The following KDM7A variants were observed in gnomAD, a reference collection of about 807,000 sequenced individuals.
KDM7A encodes lysine demethylase 7A, also known as lysine-specific demethylase 7A.
KDM7A carries 28 observed loss-of-function variants against 114.8 expected under a neutral mutation model. The observed-to-expected ratio is 0.24, with a 90% CI of 0.18 to 0.33. KDM7A has a LOEUF of 0.33. Among genes scored for constraint, KDM7A ranks in the 10% least tolerant of loss-of-function variants. The probability of loss-of-function intolerance (pLI) is 1.00; values close to 1 mark genes in which losing one functional copy is unlikely to be tolerated. For synonymous variants in KDM7A, 423 were observed against 397.8 expected (o/e 1.06, Z -0.75); for missense variants, 942 against 1,142.5 (o/e 0.82, Z 2.53).
chr7:140,124,320 T>C (rs1323462984), intron 7 of KDM7A, among the ~76,000 whole-genome samples: 2 of 152,136 alleles, frequency 1.3e-5, no homozygotes, highest in African/African-American at 4.8e-5. Context: ...TGCCCAACTT[T>C]ATTAATCTAC....
intron 1 of KDM7A, among the ~76,000 whole-genome samples, chr7:140,166,684 C>T (rs575625347): frequency 6.6e-6 from 1 of 152,192 alleles, no homozygotes; most frequent in African/African-American, 2.4e-5. Context: ...TAGTATCTTC[C>T]TTAATGAGGA....
At chr7:140,124,359 A>C (rs1818664474) in intron 7 of KDM7A, among the ~76,000 whole-genome samples, 1 of 152,230 alleles carries the variant, frequency 6.6e-6, no homozygotes, top group Admixed American at 6.5e-5. Flanking sequence ...ACACTTTAAA[A>C]GGGTGAATAT....
chr7:140,106,815 A>C (rs1452047294), intron 11 of KDM7A, among the ~76,000 whole-genome samples: 1 of 152,138 alleles, frequency 6.6e-6, no homozygotes, highest in African/African-American at 2.4e-5. Flanking sequence ...ACTTGGTGCA[A>C]GCTGAGTTCA....
intron 2 of KDM7A, among the ~76,000 whole-genome samples, chr7:140,137,418 T>C (rs1818889453): frequency 6.6e-6 from 1 of 152,240 alleles, no homozygotes; most frequent in South Asian, 2.1e-4. Flanking sequence ...AATTATTTCA[T>C]TTTGGGACTG....
chr7:140,095,402 A>G (rs1331336230), intron 17 of KDM7A, among the ~76,000 whole-genome samples: 2 of 152,204 alleles, frequency 1.3e-5, no homozygotes, highest in Admixed American at 6.5e-5. Flanking sequence ...TATCCTCTCC[A>G]AACTTCAATT....
chr7:140,134,933 C>A (rs1818842809), intron 2 of KDM7A, among the ~76,000 whole-genome samples: 1 of 151,350 alleles, frequency 6.6e-6, no homozygotes, highest in Admixed American at 6.6e-5. Flanking sequence ...CAATAATTAA[C>A]AGAGGTGGAA....
At chr7:140,117,665 TAA>T (rs1213220020) in intron 9 of KDM7A, among the ~76,000 whole-genome samples, 1 of 152,218 alleles carries the variant, frequency 6.6e-6, no homozygotes, top group African/African-American at 2.4e-5. Context: ...TATAAGTATA[TAA>T]GTGTTCCTGT....
intron 1 of KDM7A, among the ~76,000 whole-genome samples, chr7:140,163,712 A>G (rs1794544572): frequency 6.6e-6 from 1 of 152,136 alleles, no homozygotes; most frequent in Non-Finnish European, 1.5e-5. Context: ...TCAATATTAC[A>G]TATTAAATTA....
intron 12 of KDM7A, 68 bp downstream of exon 12, chr7:140,101,883 T>A (rs1299049750): frequency 4.9e-6 from 5 of 1,012,028 alleles, no homozygotes; most frequent in Non-Finnish European, 6.2e-6. Flanking sequence ...ACTATTCTCT[T>A]ATTATCCCTA....
chr7:140,091,165 C>T lies in KDM7A; in HGVS notation c.2755G>A (p.Ala919Thr), dbSNP rs1458980046. Residue 919 changes from alanine (A) to threonine (T), a missense_variant, in exon 20 of 20, where the codon GCA becomes ACA. Around this residue, in one of 4 missense-constraint regions of KDM7A, gnomAD observed 512 missense variants for 576.6 expected, o/e 0.89. Coordinates refer to ENST00000397560, the MANE Select transcript of KDM7A (RefSeq NM_030647.2). ...TKGKRPKKGM[A>T]TAKQRLGKIL... ...TTCCCAAGACGTTGTTTGGCTGTTGCCATTCCTTTTTTTGGACGTTTACCT... is the reference window on the plus strand; with the variant it reads ...TTCCCAAGACGTTGTTTGGCTGTTGTCATTCCTTTTTTTGGACGTTTACCT... 11 of 1,613,750 alleles carry T rather than the reference C, an allele frequency of 6.8e-6. No individual in the cohort carries two copies. In the African/African-American group the frequency reaches 9.3e-5, roughly 14 times the overall value.
At chr7:140,102,198 C>T (rs753390406) in intron 11 of KDM7A, 38 bp from the exon 12 acceptor site, 3 of 1,370,088 alleles carry the variant, frequency 2.2e-6, no homozygotes, top group Non-Finnish European at 2.1e-6. Flanking sequence ...TATAAGAAGG[C>T]TGTTACACAC....
intron 1 of KDM7A, among the ~76,000 whole-genome samples, chr7:140,174,497 G>T (rs1456596419): frequency 6.6e-6 from 1 of 152,054 alleles, no homozygotes; most frequent in African/African-American, 2.4e-5. Flanking sequence ...CAAATACCTG[G>T]GGCTTTTCAT....
chr7:140,113,008 C>CCT, intron 10 of KDM7A, among the ~76,000 whole-genome samples: 1 of 152,228 alleles, frequency 6.6e-6, no homozygotes, highest in South Asian at 2.1e-4. Flanking sequence ...CTTTGCAGTC[C>CCT]CAGAGATCTA....
chr7:140,124,609 T>C lies in KDM7A; in HGVS notation c.1051+12A>G, dbSNP rs779736128. The C allele has an allele frequency of 2.5e-6, 4 of 1,601,068 alleles. No individual in the cohort carries two copies. The South Asian group carries it at 3.4e-5, about 14-fold the overall frequency. On this transcript the variant is annotated intron_variant, in intron 7 of 19. Transcript: ENST00000397560. ...CAATCATGTTGAGTAGGGGATGGGA[T>C]GAAAACCTTACCTGTAGGAACAAAT...
intron 1 of KDM7A, among the ~76,000 whole-genome samples, chr7:140,175,441 T>C (rs948481305): frequency 1.3e-5 from 2 of 152,296 alleles, no homozygotes; most frequent in East Asian, 1.9e-4. Context: ...ACAGTCACCA[T>C]ATCTGCTATT....
chr7:140,115,625 TA>T (rs1170732577), intron 9 of KDM7A, among the ~76,000 whole-genome samples: 1 of 151,850 alleles, frequency 6.6e-6, no homozygotes, highest in Non-Finnish European at 1.5e-5. Context: ...CACCACTCCC[TA>T]ATCTCAAGTA....
intron 1 of KDM7A, among the ~76,000 whole-genome samples, chr7:140,145,331 T>C (rs906824362): frequency 6.6e-6 from 1 of 152,134 alleles, no homozygotes; most frequent in Non-Finnish European, 1.5e-5. Context: ...CGGAAGGTAG[T>C]GAGAAAATGG....
intron 1 of KDM7A, among the ~76,000 whole-genome samples, chr7:140,169,003 G>T (rs1489338257): frequency 6.6e-6 from 1 of 152,198 alleles, no homozygotes; most frequent in African/African-American, 2.4e-5. Flanking sequence ...ACAAATGTGT[G>T]TGCATGTGTG....
chr7:140,130,618 C>T (rs1818769156), intron 3 of KDM7A, among the ~76,000 whole-genome samples: 1 of 151,734 alleles, frequency 6.6e-6, no homozygotes, highest in Admixed American at 6.6e-5. Context: ...CAAAACTCCA[C>T]CTCAAAAATA....
Sources: allele counts gnomAD v4.1 joint callset (sites outside exome capture counted in the v4.1 genomes callset), GRCh38; gene constraint gnomAD v4.1.1; regional missense constraint gnomAD v4.1.1; transcripts MANE v1.5; gene names NCBI Gene and HGNC (gene_info 2026-07-23, HGNC 2026-07-21).